The following DOCK7 variants were observed in gnomAD, a reference collection of about 807,000 sequenced individuals.
The protein encoded by DOCK7 is dedicator of cytokinesis protein 7.
A neutral mutation model predicts 271.0 loss-of-function variants in DOCK7; 138 were observed. The observed-to-expected ratio is 0.51, with a 90% confidence interval of 0.44 to 0.59. DOCK7 has a LOEUF of 0.59. DOCK7 is among the 20% of genes least tolerant of loss of function. DOCK7 has a pLI of 0.00. For synonymous variants in DOCK7, 823 were observed against 876.1 expected, an observed-to-expected ratio of 0.94 and a Z score of 1.07; for missense variants, 2,066 against 2,592.4, an observed-to-expected ratio of 0.80 and a Z score of 4.41.
intron 24 of DOCK7, among the ~76,000 whole-genome samples, chr1:62,543,065 T>G (rs141935677): frequency 1.3e-5 from 2 of 152,190 alleles, no homozygotes; most frequent in Non-Finnish European, 1.5e-5. Flanking sequence ...AATACATGCA[T>G]GAACTTTGCT....
intron 14 of DOCK7, among the ~76,000 whole-genome samples, chr1:62,615,924 A>C (rs1025406606): frequency 6.6e-6 from 1 of 151,752 alleles, no homozygotes; most frequent in Non-Finnish European, 1.5e-5. Flanking sequence ...CAGAATAGAA[A>C]CTAATTATAG....
At chr1:62,669,025 G>T (rs1043082112) in intron 1 of DOCK7, among the ~76,000 whole-genome samples, 5 of 151,968 alleles carry the variant, frequency 3.3e-5, no homozygotes. Context: ...ACTTCAAGAG[G>T]TATGTATATC....
rs775548640 is a variant in DOCK7, at chr1:62,504,672, G to A, written c.4722C>T (p.Ala1574=). ...TTTGCCTCATTAGTAGGTAAAGGGA[G>A]GCACTGGCGTGTGACCGTATTGTAC... The part of the protein sequence containing the change: ...SIGTIRSHAS[A]SLYLLMRQNF... Residue 1574 remains alanine (A), a synonymous_variant, in exon 37 of 50, where the codon GCC becomes GCT. Transcript: ENST00000635253. 1.2e-6 allele frequency: 2 copies of A among 1,613,916 alleles called. No individual in the cohort carries two copies. The highest frequency in any genetic ancestry group is 1.7e-6 in the Non-Finnish European group (2 of 1,179,936).
Position 62,663,103 on chromosome 1 carries a change from C to A in DOCK7, c.66G>T (p.Gln22His). The A allele has an allele frequency of 6.2e-7, 1 of 1,612,642 alleles. No individual in the cohort carries two copies. The highest frequency in any genetic ancestry group is 8.5e-7 in the Non-Finnish European group (1 of 1,179,460). Residue 22 changes from glutamine (Q) to histidine (H), a missense_variant, in exon 2 of 50, where the codon CAG (glutamine) becomes CAT (histidine). Physicochemically the swap from Gln to His is conservative, Grantham distance 24. Around this residue, in one of 2 missense-constraint regions of DOCK7, gnomAD observed 1,414 missense variants for 1,670.4 expected, o/e 0.85. Transcript: ENST00000635253. ...SRTVAAEVRK[Q>H]ISGQYSGSPQ... ...GAGAACCACTATATTGTCCGGAGAT[C>A]TGCTTCCTAACTTCGGCTGCCACCG...
intron 20 of DOCK7, 150 bp from the exon 21 acceptor site, chr1:62,556,139 T>C: frequency 1.3e-6 from 1 of 786,808 alleles, no homozygotes; most frequent in South Asian, 2.0e-5. Flanking sequence ...ATATTGACTT[T>C]TAATTACACG....
intron 34 of DOCK7, among the ~76,000 whole-genome samples, chr1:62,509,520 A>T (rs763025811): frequency 2.1e-4 from 32 of 152,114 alleles, no homozygotes; most frequent in Non-Finnish European, 3.4e-4. Flanking sequence ...GAAATAAAGC[A>T]CTACTATACT....
chr1:62,457,696 A>G lies in DOCK7; in HGVS notation c.6222T>C (p.Asp2074=). ...CFKDFTKRCE[D]ALRKNKSLIG... ...TTAAGCTCTTATTTTTTCTTAAGGC[A>G]TCTTCACACCTAGGAAAAACAGGAT... The change falls in exon 49 of 50, where the codon GAT becomes GAC. Residue 2074 remains aspartate (D), a synonymous_variant. Transcript: ENST00000635253. 1 of 1,613,222 alleles carries G rather than the reference A, an allele frequency of 6.2e-7. No homozygotes were observed. The highest frequency in any genetic ancestry group is 8.5e-7 in the Non-Finnish European group (1 of 1,179,798).
intron 1 of DOCK7, among the ~76,000 whole-genome samples, chr1:62,683,353 T>C (rs1661381058): frequency 6.6e-6 from 1 of 152,144 alleles, no homozygotes; most frequent in African/African-American, 2.4e-5. Flanking sequence ...ATTCTGTAGA[T>C]TGAAAGACTG....
At chr1:62,527,177 A>G (rs1645035471) in intron 31 of DOCK7, among the ~76,000 whole-genome samples, 1 of 152,166 alleles carries the variant, frequency 6.6e-6, no homozygotes, top group African/African-American at 2.4e-5. Context: ...TCTATTGGCA[A>G]TTTGGTTCCT....
In DOCK7 at chr1:62,561,639, G is replaced by A; in HGVS notation, c.2177C>T (p.Ala726Val). 2 of 1,568,296 alleles carry A rather than the reference G, an allele frequency of 1.3e-6. No individual in the cohort carries two copies. The highest frequency in any genetic ancestry group is 1.2e-5 in the South Asian group (1 of 80,838). The change falls in exon 19 of 50, where the codon GCT becomes GTT. Residue 726 changes from alanine (A) to valine (V), a missense_variant. Transcript: ENST00000635253. Reference sequence around the variant, plus strand: ...CACTTGTGTATGGATAGACGAAACAGCAACAACTTCAACATTAAAAACACC... The same window carrying A: ...CACTTGTGTATGGATAGACGAAACAACAACAACTTCAACATTAAAAACACC... The part of the protein sequence containing the change: ...HKGVFNVEVV[A>V]VSSIHTQDPY...
intron 7 of DOCK7, among the ~76,000 whole-genome samples, chr1:62,644,743 T>C (rs1236611750): frequency 2.0e-5 from 3 of 152,220 alleles, no homozygotes; most frequent in Non-Finnish European, 2.9e-5. Flanking sequence ...TCAGTTTCTA[T>C]AGTTAGCTAA....
intron 18 of DOCK7, among the ~76,000 whole-genome samples, chr1:62,569,418 C>T (rs1646691832): frequency 6.6e-6 from 1 of 152,020 alleles, no homozygotes; most frequent in Non-Finnish European, 1.5e-5. Flanking sequence ...CCCCGAGATG[C>T]AAGGCTGGTT....
At chr1:62,584,744 A>C in intron 15 of DOCK7, 37 of 858,200 alleles carry the variant, frequency 4.3e-5, no homozygotes, top group Non-Finnish European at 6.2e-5. Flanking sequence ...CAAGGAGCTC[A>C]CAATCTAATG....
intron 1 of DOCK7, among the ~76,000 whole-genome samples, chr1:62,687,035 C>G (rs961423146): frequency 5.3e-5 from 8 of 152,156 alleles, no homozygotes; most frequent in Non-Finnish European, 1.0e-4. Flanking sequence ...CTGCCTCGGC[C>G]TCCCAAACTG....
At chr1:62,464,641 C>G (rs1254632364) in intron 48 of DOCK7, among the ~76,000 whole-genome samples, 1 of 151,940 alleles carries the variant, frequency 6.6e-6, no homozygotes, top group African/African-American at 2.4e-5. Flanking sequence ...GAGATCGCGC[C>G]ACTGCACTCC....
intron 2 of DOCK7, among the ~76,000 whole-genome samples, chr1:62,655,597 G>GT (rs375887934): frequency 2.1e-4 from 32 of 151,736 alleles, no homozygotes; most frequent in African/African-American, 7.3e-4. Flanking sequence ...ACTAATTTTT[G>GT]TGTTTTTTTG....
intron 14 of DOCK7, among the ~76,000 whole-genome samples, chr1:62,590,132 A>G (rs573175973): frequency 2.0e-5 from 3 of 152,288 alleles, no homozygotes; most frequent in Non-Finnish European, 4.4e-5. Context: ...TTAGGCAAGT[A>G]CTGAAAAAAT....
At chr1:62,546,759 T>G (rs977753333) in intron 22 of DOCK7, among the ~76,000 whole-genome samples, 5 of 152,096 alleles carry the variant, frequency 3.3e-5, no homozygotes, top group Admixed American at 6.6e-5. Flanking sequence ...AAATAAAATA[T>G]CTGCCTTCTC....
At chr1:62,533,594 C>T (rs1196690987) in intron 29 of DOCK7, among the ~76,000 whole-genome samples, 1 of 152,076 alleles carries the variant, frequency 6.6e-6, no homozygotes, top group Non-Finnish European at 1.5e-5. Flanking sequence ...ACACAGAAAC[C>T]CATTAAGCAC....
Sources: gnomAD v4.1 joint callset for allele counts (sites outside exome capture counted in the v4.1 genomes callset) on GRCh38, gnomAD v4.1.1 for gene constraint, gnomAD v4.1.1 regional missense constraint, MANE v1.5 for transcripts, NCBI Gene and HGNC (gene_info 2026-07-23, HGNC 2026-07-21) for gene names.